HBS1L: variants seen among roughly 807,000 people sequenced by gnomAD.
HBS1L encodes the protein HBS1 like translational GTPase, also known as HBS1-like protein.
A neutral mutation model predicts 88.9 loss-of-function variants in HBS1L; 55 were observed. The observed-to-expected ratio is 0.62, with a 90% CI of 0.50 to 0.77. HBS1L has a LOEUF of 0.77. HBS1L is among the 30% of genes least tolerant of loss of function. The pLI, the probability that HBS1L is intolerant of heterozygous loss-of-function variation, is 0.00. For missense variants in HBS1L, 741 were observed against 829.3 expected, an observed-to-expected ratio of 0.89 and a Z score of 1.31; for synonymous variants, 267 against 288.5, an observed-to-expected ratio of 0.93 and a Z score of 0.76.
intron 5 of HBS1L, among the ~76,000 whole-genome samples, chr6:135,001,510 C>T (rs1188833208): frequency 6.6e-6 from 1 of 151,602 alleles, no homozygotes; most frequent in African/African-American, 2.4e-5. Context: ...TGTAAAAATC[C>T]CATAATAGAA....
chr6:134,977,165 T>A (rs2114763360), intron 15 of HBS1L, among the ~76,000 whole-genome samples: 2 of 152,098 alleles, frequency 1.3e-5, no homozygotes, highest in Middle Eastern at 6.8e-3. Flanking sequence ...TCCTGGTATT[T>A]CTGAATCAAT....
chr6:134,987,714 T>C lies in HBS1L; in HGVS notation c.1161A>G (p.Arg387=), dbSNP rs1333558879. 2 of 1,610,246 alleles carry C rather than the reference T, an allele frequency of 1.2e-6. No individual in the cohort carries two copies. The highest frequency in any genetic ancestry group is 4.5e-5 in the East Asian group (2 of 44,528). The change falls in exon 9 of 18, where the codon CGA becomes CGG. Residue 387 remains arginine, a synonymous_variant. Coordinates refer to ENST00000367837, the MANE Select transcript of HBS1L (RefSeq NM_006620.4). The stretch of plus-strand genomic sequence containing the variant: ...GAGAACGGACCAAGAGTCCATGCTC[T>C]CGTGTTTGTCCTCCAGTCTCAAATC... ...EAGFETGGQT[R]EHGLLVRSLG...
chr6:135,043,825 T>C (rs1776828085), intron 2 of HBS1L, among the ~76,000 whole-genome samples: 1 of 152,190 alleles, frequency 6.6e-6, no homozygotes, highest in African/African-American at 2.4e-5. Flanking sequence ...CACGTTTCCT[T>C]AAAACAAATT....
chr6:135,024,639 G>A (rs79503272), intron 4 of HBS1L, among the ~76,000 whole-genome samples: 2 of 150,170 alleles, frequency 1.3e-5, no homozygotes, highest in East Asian at 2.0e-4. Flanking sequence ...CCAAATATGC[G>A]CCTTTTTAGC....
intron 4 of HBS1L, among the ~76,000 whole-genome samples, chr6:135,012,343 G>A (rs549466618): frequency 6.6e-6 from 1 of 152,164 alleles, no homozygotes; most frequent in African/African-American, 2.4e-5. Context: ...ATTAAAAAGT[G>A]CATGCTTTTT....
At chr6:135,029,565 T>C (rs1483911045) in intron 4 of HBS1L, among the ~76,000 whole-genome samples, 2 of 152,108 alleles carry the variant, frequency 1.3e-5, no homozygotes, top group Admixed American at 6.5e-5. Context: ...AATACCCCTA[T>C]CTATAAGAAT....
chr6:135,001,985 T>C (rs911862716), intron 5 of HBS1L, among the ~76,000 whole-genome samples: 2 of 151,848 alleles, frequency 1.3e-5, no homozygotes, highest in Non-Finnish European at 2.9e-5. Context: ...AAAAATCTAT[T>C]GTTTATAGTA....
intron 15 of HBS1L, among the ~76,000 whole-genome samples, chr6:134,971,477 T>C (rs1478463235): frequency 6.6e-6 from 1 of 152,122 alleles, no homozygotes; most frequent in African/African-American, 2.4e-5. Context: ...CAAACCTAAT[T>C]AAGTTCTTCT....
At chr6:135,039,795 T>C (rs1776672933) in intron 3 of HBS1L, 28 bp from the exon 4 acceptor site, 1 of 1,556,856 alleles carries the variant, frequency 6.4e-7, no homozygotes, top group Non-Finnish European at 8.7e-7. Context: ...GGTCAAAAGC[T>C]ATACTAAATG....
chr6:134,988,006 A>G (rs1307886160), intron 8 of HBS1L, among the ~76,000 whole-genome samples: 1 of 152,180 alleles, frequency 6.6e-6, no homozygotes, highest in Non-Finnish European at 1.5e-5. Flanking sequence ...AAAAGTCCAC[A>G]CTTGATTATA....
At chr6:134,987,045 C>T (rs367878431) in intron 9 of HBS1L, among the ~76,000 whole-genome samples, 17 of 152,036 alleles carry the variant, frequency 1.1e-4, no homozygotes, top group Non-Finnish European at 2.5e-4. Context: ...CATTCCCTTA[C>T]GCCCAGAAAT....
intron 8 of HBS1L, among the ~76,000 whole-genome samples, 198 bp downstream of exon 8, chr6:134,993,560 T>A (rs1775205960): frequency 6.6e-6 from 1 of 152,180 alleles, no homozygotes; most frequent in Admixed American, 6.5e-5. Flanking sequence ...TTGTAAGAAA[T>A]TTTAAAAGGT....
chr6:135,054,577 A>G, intron 1 of HBS1L, 72 bp downstream of exon 1: 1 of 1,548,892 alleles, frequency 6.5e-7, no homozygotes, highest in Non-Finnish European at 8.9e-7. Flanking sequence ...CACAGATTGA[A>G]GTGGATGCCA....
chr6:135,051,611 T>C (rs1777086445), intron 1 of HBS1L, among the ~76,000 whole-genome samples: 1 of 152,232 alleles, frequency 6.6e-6, no homozygotes, highest in East Asian at 1.9e-4. Flanking sequence ...CCTCTGCTAC[T>C]GTTACCCTCC....
Position 134,966,467 on chromosome 6 carries a change from C to G in HBS1L, c.1905G>C (p.Leu635Phe). Residue 635 changes from leucine to phenylalanine, a missense_variant, in exon 17 of 18, where the codon TTG (leucine) becomes TTC (phenylalanine). Physicochemically the swap from Leu to Phe is conservative, Grantham distance 22. Around this residue, in one of 3 missense-constraint regions of HBS1L, gnomAD observed 181 missense variants for 212.7 expected, o/e 0.85. Coordinates refer to ENST00000367837, the MANE Select transcript of HBS1L (RefSeq NM_006620.4). ...GEVTKKKPKF[L>F]TKGQNALVEL... is the part of the protein sequence containing the mutation. ...CTACCAATGCATTCTGGCCTTTAGT[C>G]AAAAACCTATTAAGAAAAAAAAAGA... 6.4e-7 allele frequency: 1 copy of G among 1,569,038 alleles called. No homozygotes were observed. Among genetic ancestry groups the G allele is most frequent in the Non-Finnish European group, 8.6e-7 (1 of 1,159,384 alleles).
intron 4 of HBS1L, among the ~76,000 whole-genome samples, chr6:135,013,390 G>A (rs1200852607): frequency 2.6e-5 from 4 of 152,182 alleles, no homozygotes; most frequent in African/African-American, 7.2e-5. Flanking sequence ...AAGGGAAGGC[G>A]AGAAATGCCA....
chr6:134,990,472 C>G (rs940524285), intron 8 of HBS1L, among the ~76,000 whole-genome samples: 1 of 152,234 alleles, frequency 6.6e-6, no homozygotes, highest in Non-Finnish European at 1.5e-5. Context: ...CGGCAAGTTA[C>G]TTAACATCTT....
chr6:135,000,343 G>A (rs910841983), intron 5 of HBS1L, among the ~76,000 whole-genome samples: 19 of 150,984 alleles, frequency 1.3e-4, no homozygotes, highest in Non-Finnish European at 2.4e-4. Context: ...TTACAGTCAC[G>A]AGCCACAATG....
At position 134,965,209 on chromosome 6, in the gene HBS1L, A is replaced by AT. The variant is rs1774276086; in HGVS notation, c.*69dup. On this transcript the variant is annotated 3_prime_UTR_variant, in exon 18 of 18. Transcript: ENST00000367837. ...AATTGCACATTGTTCCTTTGACTTAATAACTGCATTCTTGAAACAGAGGTT... is the reference window on the plus strand; with the variant it reads ...AATTGCACATTGTTCCTTTGACTTAATTAACTGCATTCTTGAAACAGAGGTT... 4 of 1,229,248 alleles carry AT rather than the reference A, an allele frequency of 3.3e-6. No homozygotes were observed. In the African/African-American group the frequency reaches 6.0e-5, roughly 18 times the overall value. The allele number at this position is 1,229,248 out of a possible 1,614,324, so 76.1% of individuals were successfully genotyped here.
Sources: gnomAD v4.1 joint callset for allele counts (sites outside exome capture counted in the v4.1 genomes callset) on GRCh38, gnomAD v4.1.1 for gene constraint, gnomAD v4.1.1 regional missense constraint, MANE v1.5 for transcripts, NCBI Gene and HGNC (gene_info 2026-07-23, HGNC 2026-07-21) for gene names.